CNOT9: variants seen among roughly 807,000 people sequenced by gnomAD.
The protein encoded by CNOT9 is CCR4-NOT transcription complex subunit 9.
CNOT9 carries 8 observed loss-of-function variants against 37.4 expected under a neutral mutation model. That is an observed-to-expected ratio of 0.21 (90% CI 0.13 to 0.39). CNOT9 has a LOEUF of 0.39. Among genes scored for constraint, CNOT9 ranks in the 10% least tolerant of loss-of-function variants. The probability of loss-of-function intolerance (pLI) is 1.00; values close to 1 mark genes in which losing one functional copy is unlikely to be tolerated. For synonymous variants in CNOT9, 120 were observed against 137.6 expected, an observed-to-expected ratio of 0.87 and a Z score of 0.90; for missense variants, 154 against 365.3, an observed-to-expected ratio of 0.42 and a Z score of 4.71.
At chr2:218,588,413 C>CA (rs1694660961) in intron 5 of CNOT9, among the ~76,000 whole-genome samples, 1 of 151,538 alleles carries the variant, frequency 6.6e-6, no homozygotes, top group Non-Finnish European at 1.5e-5. Context: ...CTCAGCCTCC[C>CA]AAGTAGCTGG....
At chr2:218,584,768 AG>A in intron 4 of CNOT9, 47 bp downstream of exon 4, 1 of 1,321,352 alleles carries the variant, frequency 7.6e-7, no homozygotes, top group Non-Finnish European at 1.1e-6. Context: ...TCACAGTAGT[AG>A]TCTAAGTTGG....
At chr2:218,578,103 T>C (rs1694233629) in intron 1 of CNOT9, among the ~76,000 whole-genome samples, 1 of 152,220 alleles carries the variant, frequency 6.6e-6, no homozygotes. Context: ...GCTTTTGCTG[T>C]TGGGAAAGGA....
In CNOT9 at chr2:218,580,744, G is replaced by A. The variant is rs1694344340; in HGVS notation, c.204+4G>A. ...TACTATTGCAGCACTTTTACAGGTG[G>A]GTTCATGTCCATGATTGGCAGTTCA... On this transcript the variant is annotated splice_donor_region_variant and intron_variant, in intron 2 of 7. Coordinates refer to ENST00000273064, the MANE Select transcript of CNOT9 (RefSeq NM_005444.3). 9 of 1,611,016 alleles carry A rather than the reference G, an allele frequency of 5.6e-6. No individual in the cohort carries two copies. Among genetic ancestry groups the A allele is most frequent in the East Asian group, 2.2e-5 (1 of 44,832 alleles).
rs1694910929 is a variant in CNOT9, at chr2:218,595,704, T to C, written c.*1428T>C. 6.6e-6 allele frequency: 1 copy of C among 151,598 alleles called. No homozygotes were observed. The highest frequency in any genetic ancestry group is 2.4e-5 in the African/African-American group (1 of 41,304). 9.4% of individuals were successfully genotyped at this position (151,598 alleles called of 1,614,324 possible). Reference sequence around the variant, plus strand: ...TCTTTTCTGCCCACATCTCACACAATTGAGGTGTCTGAACAAGCTTGGGGA... The same window carrying C: ...TCTTTTCTGCCCACATCTCACACAACTGAGGTGTCTGAACAAGCTTGGGGA... On this transcript the variant is annotated 3_prime_UTR_variant, in exon 8 of 8. Coordinates refer to ENST00000273064, the MANE Select transcript of CNOT9 (RefSeq NM_005444.3).
intron 7 of CNOT9, 63 bp from the exon 8 acceptor site, chr2:218,594,045 C>T (rs1300862955): frequency 6.6e-7 from 1 of 1,516,252 alleles, no homozygotes; most frequent in South Asian, 1.1e-5. Context: ...GGGCTCTTCC[C>T]TGTCCACAAA....
Position 218,592,694 on chromosome 2 carries a change from T to G in CNOT9, c.718T>G (p.Ser240Ala). 1 of 1,613,780 alleles carries G rather than the reference T, an allele frequency of 6.2e-7. No homozygotes were observed. Among genetic ancestry groups the G allele is most frequent in the Non-Finnish European group, 8.5e-7 (1 of 1,179,654 alleles). The stretch of plus-strand genomic sequence containing the variant: ...TGTAGTGAGATGTTACCTTCGACTT[T>G]CAGATAACCCCAGGTAAACATTTAT... ...KHVVRCYLRL[S>A]DNPRAREALR... The change falls in exon 7 of 8, where the codon TCA (serine) becomes GCA (alanine). Residue 240 changes from serine to alanine, a missense_variant. Around this residue, in one of 2 missense-constraint regions of CNOT9, gnomAD observed 117 missense variants for 325.4 expected, o/e 0.36. Transcript: ENST00000273064. This position sits in a 1 kb window ranked among gnomAD's most constrained non-coding sequence, Gnocchi z 4.1.
At chr2:218,593,612 T>G in intron 7 of CNOT9, 2 of 1,450,360 alleles carry the variant, frequency 1.4e-6, no homozygotes, top group Non-Finnish European at 1.8e-6. Flanking sequence ...GCTACCATAG[T>G]TTTGTTTTCA....
rs57839540 is a variant in CNOT9 at position 218,595,404 on chromosome 2, C to CTTTTTTTTTTTTTTTTTTTTTTTT, written c.*1133_*1156dup. 1.2e-4 allele frequency: 6 copies of CTTTTTTTTTTTTTTTTTTTTTTTT among 50,942 alleles called. 1 individual carries two copies. Among genetic ancestry groups the CTTTTTTTTTTTTTTTTTTTTTTTT allele is most frequent in the Admixed American group, 3.6e-4 (1 of 2,762 alleles). The allele number at this position is 50,942 out of a possible 1,614,324, so 3.2% of individuals were successfully genotyped here. A position where few individuals can be genotyped will look rare whatever the true frequency, so the allele number is the denominator to read the frequency against. On this transcript the variant is annotated 3_prime_UTR_variant, in exon 8 of 8. Coordinates refer to ENST00000273064, the MANE Select transcript of CNOT9 (RefSeq NM_005444.3). ...GAGGGCTGGGTTCTGCTCACTCAGT[C>CTTTTTTTTTTTTTTTTTTTTTTTT]TTTTTTTTTTTTTTTTTTTTTTTTT...
chr2:218,589,530 C>G (rs1338021955), intron 5 of CNOT9, among the ~76,000 whole-genome samples: 1 of 152,142 alleles, frequency 6.6e-6, no homozygotes, highest in Non-Finnish European at 1.5e-5. Context: ...AAGACAAGGT[C>G]TCCCTATGTT....
At chr2:218,591,465 C>T (rs921068212) in intron 5 of CNOT9, among the ~76,000 whole-genome samples, 22 of 152,048 alleles carry the variant, frequency 1.4e-4, no homozygotes, top group African/African-American at 4.3e-4. Flanking sequence ...TTATCTCAGC[C>T]GAGTGCAGTG....
chr2:218,579,275 G>A (rs1694282909), intron 1 of CNOT9, among the ~76,000 whole-genome samples: 1 of 152,192 alleles, frequency 6.6e-6, no homozygotes, highest in Admixed American at 6.5e-5. Flanking sequence ...ATATGTAAAT[G>A]TGTAAGAATG....
chr2:218,585,252 C>T (rs1344951778), intron 4 of CNOT9, among the ~76,000 whole-genome samples: 2 of 152,016 alleles, frequency 1.3e-5, no homozygotes, highest in East Asian at 1.9e-4. Flanking sequence ...CTTCTAATAC[C>T]GGAATGCTTC....
intron 1 of CNOT9, 91 bp downstream of exon 1, chr2:218,569,069 A>T: frequency 6.9e-7 from 1 of 1,441,674 alleles, no homozygotes; most frequent in Non-Finnish European, 9.6e-7. Flanking sequence ...TCGGGTCCCT[A>T]GTCTGATTTT....
rs1298822159 is a variant in CNOT9, at chr2:218,568,943, GC to G, written c.-10del. 9 of 1,607,730 alleles carry G rather than the reference GC, an allele frequency of 5.6e-6. No homozygotes were observed. Among genetic ancestry groups the G allele is most frequent in the Non-Finnish European group, 6.8e-6 (8 of 1,177,272 alleles). On this transcript the variant is annotated 5_prime_UTR_variant, in exon 1 of 8. Transcript: ENST00000273064. ...CGTCCGGCTGTGGAAGAGAGCGGCG[GC>G]CGCTCACAACATGCACAGCCTGGCG...
chr2:218,585,341 A>G (rs992281601), intron 4 of CNOT9, among the ~76,000 whole-genome samples: 2 of 152,154 alleles, frequency 1.3e-5, no homozygotes, highest in Non-Finnish European at 2.9e-5. Flanking sequence ...CCATAACTCC[A>G]GGAATATGAA....
At chr2:218,583,110 TGGG>T (rs1264537228) in intron 3 of CNOT9, 24 bp downstream of exon 3, 3 of 1,446,356 alleles carry the variant, frequency 2.1e-6, no homozygotes, top group Non-Finnish European at 2.9e-6. Context: ...GTGAGTCACT[TGGG>T]GGAGATATAC....
intron 1 of CNOT9, among the ~76,000 whole-genome samples, chr2:218,569,672 C>T (rs765173500): frequency 6.6e-5 from 10 of 152,096 alleles, no homozygotes; most frequent in Non-Finnish European, 1.3e-4. Context: ...GTCTCTTGCT[C>T]CTAAAGCTTC....
rs1195422339 is a variant in CNOT9 at position 218,593,811 on chromosome 2, A to G, written c.732-297A>G. ...ATATATTTCTAACATGAGTATTTTG[A>G]CAGTATTTAATAAATCAGAAAGCTG... is the stretch of plus-strand genomic sequence containing the variant. On this transcript the variant is annotated intron_variant, in intron 7 of 7. Transcript: ENST00000273064. 4.9e-6 allele frequency: 6 copies of G among 1,231,810 alleles called. No homozygotes were observed. In the African/African-American group the frequency reaches 9.2e-5, roughly 19 times the overall value. The allele number at this position is 1,231,810 out of a possible 1,614,324, so 76.3% of individuals were successfully genotyped here.
At chr2:218,577,078 C>G (rs1694194445) in intron 1 of CNOT9, among the ~76,000 whole-genome samples, 1 of 152,076 alleles carries the variant, frequency 6.6e-6, no homozygotes, top group Admixed American at 6.5e-5. Flanking sequence ...CACCTGGGTA[C>G]AAATCCTAGC....
Sources: gnomAD v4.1 joint callset for allele counts (sites outside exome capture counted in the v4.1 genomes callset) on GRCh38, gnomAD v4.1.1 for gene constraint, gnomAD v4.1.1 regional missense constraint, Gnocchi (gnomAD v3.1) non-coding constraint, MANE v1.5 for transcripts, NCBI Gene and HGNC (gene_info 2026-07-23, HGNC 2026-07-21) for gene names.